The following SYT1 variants were observed in gnomAD, a reference collection of about 807,000 sequenced individuals.
SYT1 encodes the protein synaptotagmin 1, also known as synaptotagmin-1.
SYT1 carries 8 observed loss-of-function variants against 44.8 expected under a neutral mutation model. The ratio of observed to expected loss-of-function variants is 0.18; its 90% confidence interval spans 0.10 to 0.32. The LOEUF is 0.32. Among genes scored for constraint, SYT1 ranks in the 10% least tolerant of loss-of-function variants. The probability of loss-of-function intolerance (pLI) is 1.00; values close to 1 mark genes in which losing one functional copy is unlikely to be tolerated. For synonymous variants in SYT1, 154 were observed against 188.8 expected, an observed-to-expected ratio of 0.82 and a Z score of 1.51; for missense variants, 286 against 509.3, an observed-to-expected ratio of 0.56 and a Z score of 4.22.
intron 2 of SYT1, among the ~76,000 whole-genome samples, chr12:79,035,847 A>G (rs1411389100): frequency 2.6e-5 from 4 of 151,692 alleles, no homozygotes; most frequent in Non-Finnish European, 5.9e-5. Flanking sequence ...TTCTCATTAA[A>G]GAACTGTACA....
intron 3 of SYT1, among the ~76,000 whole-genome samples, chr12:79,208,555 AG>A (rs1446005843): frequency 1.3e-5 from 2 of 152,238 alleles, no homozygotes; most frequent in African/African-American, 4.8e-5. Context: ...GAAGAGAGGC[AG>A]ACAGGAGAGA....
chr12:79,110,647 A>T (rs1229246690), intron 3 of SYT1, among the ~76,000 whole-genome samples: 1 of 152,200 alleles, frequency 6.6e-6, no homozygotes, highest in African/African-American at 2.4e-5. Flanking sequence ...AATTCTTCAT[A>T]TGGCAGTCTG....
chr12:78,929,696 A>T (rs774456912), intron 1 of SYT1, among the ~76,000 whole-genome samples: 2 of 152,096 alleles, frequency 1.3e-5, no homozygotes, highest in Non-Finnish European at 2.9e-5. Context: ...TACTAGACTT[A>T]ATTTATTCCT....
intron 4 of SYT1, among the ~76,000 whole-genome samples, chr12:79,233,868 T>C (rs1302317564): frequency 3.3e-5 from 5 of 152,174 alleles, no homozygotes; most frequent in Admixed American, 3.3e-4. Flanking sequence ...CAGGAAAACA[T>C]ATAGGCAGTT....
intron 1 of SYT1, among the ~76,000 whole-genome samples, chr12:78,907,384 T>A (rs1400638955): frequency 2.0e-5 from 3 of 151,934 alleles, no homozygotes; most frequent in Admixed American, 6.6e-5. Flanking sequence ...TGAAAATACA[T>A]TAAATCAGAA....
chr12:79,314,949 A>G (rs999262900), intron 8 of SYT1, among the ~76,000 whole-genome samples: 2 of 152,234 alleles, frequency 1.3e-5, no homozygotes, highest in Admixed American at 1.3e-4. Context: ...ATCCACAGAC[A>G]GACAGAAAGT....
chr12:79,186,289 T>C (rs1480805624), intron 3 of SYT1, among the ~76,000 whole-genome samples: 1 of 152,022 alleles, frequency 6.6e-6, no homozygotes, highest in Non-Finnish European at 1.5e-5. Flanking sequence ...ATTTTATTTA[T>C]ATTTGTTGCA....
intron 1 of SYT1, among the ~76,000 whole-genome samples, chr12:78,867,872 G>A (rs1486342194): frequency 6.6e-6 from 1 of 151,868 alleles, no homozygotes; most frequent in Non-Finnish European, 1.5e-5. Flanking sequence ...TTAATTATAT[G>A]CTTGTATTAA....
At chr12:78,925,619 G>A (rs1048841519) in intron 1 of SYT1, among the ~76,000 whole-genome samples, 2 of 151,844 alleles carry the variant, frequency 1.3e-5, no homozygotes, top group African/African-American at 2.4e-5. Flanking sequence ...GAAGGTGTAA[G>A]TCCATCCTCC....
intron 3 of SYT1, among the ~76,000 whole-genome samples, chr12:79,121,384 C>T (rs1879591862): frequency 2.0e-5 from 3 of 152,258 alleles, no homozygotes; most frequent in Admixed American, 6.5e-5. Context: ...CTTTGTCTGT[C>T]AGGTTTCCTC....
At chr12:79,419,205 C>T (rs911510168) in intron 9 of SYT1, 2 of 497,694 alleles carry the variant, frequency 4.0e-6, no homozygotes, top group African/African-American at 4.0e-5. Context: ...ACTCACATTT[C>T]CCATCACACA....
At position 79,315,167 on chromosome 12, in the gene SYT1, C is replaced by G. The variant is rs370754502; in HGVS notation, c.810+15616C>G. Among the ~76,000 whole-genome samples the G allele has an allele frequency of 8.5e-5, 13 of 152,118 alleles. No individual in the cohort carries two copies. The East Asian group carries it at 2.3e-3, about 27-fold the overall frequency. ...AATAAATACCATTTTTCTCAATAAG[C>G]TGTTTCTTATTTTTTATTTTCTTTA... On this transcript the variant is annotated intron_variant, in intron 8 of 10. Transcript: ENST00000261205.
chr12:79,214,548 G>C (rs961651828), intron 3 of SYT1, among the ~76,000 whole-genome samples: 4 of 152,050 alleles, frequency 2.6e-5, no homozygotes, highest in Non-Finnish European at 5.9e-5. Context: ...TTATAAGCTG[G>C]AGTAAAATGA....
chr12:78,896,257 G>A (rs147092052), intron 1 of SYT1, among the ~76,000 whole-genome samples: 3 of 151,486 alleles, frequency 2.0e-5, no homozygotes, highest in African/African-American at 7.3e-5. Flanking sequence ...CTATGGTTTT[G>A]CTAAATAGTG....
intron 7 of SYT1, 106 bp from the exon 8 acceptor site, chr12:79,299,278 C>A: frequency 7.9e-7 from 1 of 1,257,866 alleles, no homozygotes; most frequent in East Asian, 2.5e-5. Flanking sequence ...AATTATCTCC[C>A]TGTTCTGTTT....
chr12:79,284,095 A>G, intron 4 of SYT1, among the ~76,000 whole-genome samples: 1 of 130,628 alleles, frequency 7.7e-6, no homozygotes, highest in East Asian at 3.0e-4. Flanking sequence ...AGTGCCCAGT[A>G]TCTTTTTTTT....
intron 9 of SYT1, among the ~76,000 whole-genome samples, chr12:79,400,938 A>G (rs1403130238): frequency 2.0e-5 from 3 of 152,180 alleles, no homozygotes; most frequent in Non-Finnish European, 4.4e-5. Context: ...TTAGATTCAA[A>G]TAATCATTGA....
intron 3 of SYT1, among the ~76,000 whole-genome samples, chr12:79,179,028 A>C (rs766940994): frequency 0.037 from 137 of 3,686 alleles, 7 homozygotes; most frequent in Non-Finnish European, 0.046. Flanking sequence ...ATAGATATAG[A>C]TATATAGATA....
chr12:78,916,172 G>A (rs1876642118), intron 1 of SYT1, among the ~76,000 whole-genome samples: 1 of 152,038 alleles, frequency 6.6e-6, no homozygotes, highest in African/African-American at 2.4e-5. Context: ...CTCTGTGGTT[G>A]AACCTGCCAG....
Sources: gnomAD v4.1 joint callset for allele counts (sites outside exome capture counted in the v4.1 genomes callset) on GRCh38, gnomAD v4.1.1 for gene constraint, MANE v1.5 for transcripts, NCBI Gene and HGNC (gene_info 2026-07-23, HGNC 2026-07-21) for gene names.